Variants in PTK7 observed in about 807,000 individuals in gnomAD.
PTK7 encodes the protein protein tyrosine kinase 7 (inactive).
In PTK7, 39 loss-of-function variants were observed where a neutral mutation model predicts 116.6. The ratio of observed to expected loss-of-function variants is 0.33; its 90% CI spans 0.26 to 0.44. The LOEUF is 0.44. PTK7 is among the 20% of genes least tolerant of loss of function. The probability of loss-of-function intolerance (pLI) is 1.00; values close to 1 mark genes in which losing one functional copy is unlikely to be tolerated. For synonymous variants in PTK7, 546 were observed against 563.6 expected, an observed-to-expected ratio of 0.97 and a Z score of 0.44; for missense variants, 1,169 against 1,425.6, an observed-to-expected ratio of 0.82 and a Z score of 2.90.
At chr6:43,097,069 C>T (rs1346920824) in intron 1 of PTK7, among the ~76,000 whole-genome samples, 1 of 139,970 alleles carries the variant, frequency 7.1e-6, no homozygotes, top group Non-Finnish European at 1.6e-5. Context: ...GCCCCCAGAG[C>T]TTGGCCAGAC....
intron 1 of PTK7, among the ~76,000 whole-genome samples, chr6:43,080,010 A>G (rs965009235): frequency 2.1e-5 from 3 of 145,220 alleles, no homozygotes; most frequent in Non-Finnish European, 3.0e-5. Context: ...ACAGTAAGCC[A>G]TGATTGTGTC....
Position 43,076,417 on chromosome 6 carries a change from C to T in PTK7, c.-72C>T, listed in dbSNP as rs1766003642. 3.1e-6 allele frequency: 4 copies of T among 1,310,754 alleles called. No individual in the cohort carries two copies. In the South Asian group the frequency reaches 6.3e-5, roughly 21 times the overall value. 81.2% of individuals were successfully genotyped at this position (1,310,754 alleles called of 1,614,324 possible). ...GCCCGCGCTCCGGTGCGCTCCGCCT[C>T]CTGTGCCCGCCGCGGAGCGCAGTCT... On this transcript the variant is annotated 5_prime_UTR_variant, in exon 1 of 20. Transcript: ENST00000230419. This position sits in a 1 kb window ranked among gnomAD's most constrained non-coding sequence, Gnocchi z 5.7.
intron 1 of PTK7, among the ~76,000 whole-genome samples, chr6:43,112,320 G>C (rs1768239004): frequency 6.6e-6 from 1 of 151,452 alleles, no homozygotes; most frequent in Non-Finnish European, 1.5e-5. Context: ...CCAGGCTGGG[G>C]TGCAGTGGCG....
In PTK7 at chr6:43,143,156, A is replaced by C; in HGVS notation, c.2048-261A>C. On this transcript the variant is annotated intron_variant, in intron 13 of 19. Transcript: ENST00000230419. The surrounding 1 kb of genome is among the most constrained non-coding windows in gnomAD (Gnocchi z 4.2). The stretch of plus-strand genomic sequence containing the variant: ...CGTGGGTTTGTGGTAGCTCCTTGAC[A>C]GGTGTGCTTATCCGTGTCGCCTGTC... 2.2e-6 allele frequency: 1 copy of C among 446,388 alleles called. No individual in the cohort carries two copies. The highest frequency in any genetic ancestry group is 3.3e-5 in the South Asian group (1 of 30,142). 27.7% of individuals were successfully genotyped at this position (446,388 alleles called of 1,614,324 possible).
At chr6:43,089,216 T>G (rs1029478310) in intron 1 of PTK7, among the ~76,000 whole-genome samples, 1 of 152,216 alleles carries the variant, frequency 6.6e-6, no homozygotes, top group Non-Finnish European at 1.5e-5. Flanking sequence ...GGCTGAACCG[T>G]TGACCACTCT....
intron 17 of PTK7, among the ~76,000 whole-genome samples, chr6:43,148,693 G>A (rs1215963364): frequency 6.6e-6 from 1 of 152,064 alleles, no homozygotes; most frequent in Non-Finnish European, 1.5e-5. Context: ...TCTTAAATAT[G>A]ATGGGGGAAC....
intron 1 of PTK7, among the ~76,000 whole-genome samples, chr6:43,089,719 A>C (rs1766843263): frequency 6.6e-6 from 1 of 152,150 alleles, no homozygotes; most frequent in Non-Finnish European, 1.5e-5. Flanking sequence ...TTACCGGAGG[A>C]GTACTGAGGG....
Position 43,130,509 on chromosome 6 carries a change from A to T in PTK7, c.662-2A>T. The stretch of plus-strand genomic sequence containing the variant: ...CATGCTCCCCCATCTTTCCCTCTCC[A>T]GATGAAAGCTTTGCCAGGGTGGTGC... On this transcript the variant is annotated splice_acceptor_variant, in intron 4 of 19. Coordinates refer to ENST00000230419, the MANE Select transcript of PTK7 (RefSeq NM_002821.5). LOFTEE classifies it high-confidence loss of function. The T allele has an allele frequency of 1.2e-6, 2 of 1,613,540 alleles. No homozygotes were observed. The highest frequency in any genetic ancestry group is 1.7e-6 in the Non-Finnish European group (2 of 1,179,684).
intron 1 of PTK7, among the ~76,000 whole-genome samples, chr6:43,100,283 T>A (rs559090761): frequency 1.3e-5 from 2 of 151,560 alleles, no homozygotes; most frequent in South Asian, 4.2e-4. Flanking sequence ...CTCAGGAGGC[T>A]GAGGCAGGAG....
chr6:43,152,553 C>T (rs986773683), intron 17 of PTK7, among the ~76,000 whole-genome samples: 27 of 152,194 alleles, frequency 1.8e-4, no homozygotes, highest in Non-Finnish European at 3.4e-4. Context: ...ACTCTAATTA[C>T]ATCATTCATT....
chr6:43,110,605 G>A (rs567294746), intron 1 of PTK7, among the ~76,000 whole-genome samples: 1 of 151,114 alleles, frequency 6.6e-6, no homozygotes, highest in Non-Finnish European at 1.5e-5. Context: ...TTAGAGACAG[G>A]GTTTCACCAT....
intron 16 of PTK7, chr6:43,146,173 T>A (rs1429860039): frequency 6.5e-6 from 1 of 154,654 alleles, no homozygotes; most frequent in East Asian, 1.9e-4. Flanking sequence ...ACAAAAAAAT[T>A]AAAAACAAAC....
intron 1 of PTK7, among the ~76,000 whole-genome samples, chr6:43,086,860 C>A (rs1377047732): frequency 6.6e-6 from 1 of 151,992 alleles, no homozygotes; most frequent in Non-Finnish European, 1.5e-5. Flanking sequence ...AACAAAAAAA[C>A]AACAACAAAA....
chr6:43,112,691 G>A (rs1768260454), intron 1 of PTK7, among the ~76,000 whole-genome samples: 1 of 151,760 alleles, frequency 6.6e-6, no homozygotes, highest in Non-Finnish European at 1.5e-5. Flanking sequence ...TGGGATTACA[G>A]GTGTGAGCCA....
intron 1 of PTK7, among the ~76,000 whole-genome samples, chr6:43,120,709 G>A (rs1213314585): frequency 6.6e-6 from 1 of 152,180 alleles, no homozygotes; most frequent in Non-Finnish European, 1.5e-5. Context: ...CCAATGTTAG[G>A]TCTTGGTGAC....
intron 7 of PTK7, chr6:43,133,807 G>T (rs1769860397): frequency 6.6e-6 from 1 of 152,156 alleles, no homozygotes; most frequent in South Asian, 2.1e-4. Context: ...TTTGCAAAAA[G>T]ATTTGAATAT....
intron 1 of PTK7, among the ~76,000 whole-genome samples, chr6:43,093,046 C>T (rs540481725): frequency 1.2e-3 from 179 of 152,104 alleles, no homozygotes; most frequent in Admixed American, 4.9e-3. Flanking sequence ...TGTGTGCATG[C>T]TGATGGCAGG....
intron 1 of PTK7, among the ~76,000 whole-genome samples, chr6:43,128,327 G>A (rs543556545): frequency 1.1e-4 from 17 of 152,284 alleles, no homozygotes; most frequent in African/African-American, 4.1e-4. Context: ...CAGCCCTTAG[G>A]GGTCCCTTCT....
chr6:43,093,710 C>T (rs575267933), intron 1 of PTK7, among the ~76,000 whole-genome samples: 1 of 152,234 alleles, frequency 6.6e-6, no homozygotes, highest in South Asian at 2.1e-4. Flanking sequence ...CTGTGAGTGT[C>T]TAGGTTCTTT....
Sources: allele counts gnomAD v4.1 joint callset (sites outside exome capture counted in the v4.1 genomes callset), GRCh38; gene constraint gnomAD v4.1.1; non-coding constraint Gnocchi (gnomAD v3.1); transcripts MANE v1.5; gene names NCBI Gene and HGNC (gene_info 2026-07-23, HGNC 2026-07-21).